ADGRB2: variants seen among roughly 807,000 people sequenced by gnomAD.
ADGRB2 encodes adhesion G protein-coupled receptor B2, also known as brain-specific angiogenesis inhibitor 2.
A neutral mutation model predicts 178.7 loss-of-function variants in ADGRB2; 47 were observed. The ratio of observed to expected loss-of-function variants is 0.26; its 90% CI spans 0.21 to 0.34. ADGRB2 has a LOEUF of 0.34. ADGRB2 is among the 10% of genes least tolerant of loss of function. ADGRB2 has a pLI of 1.00. For synonymous variants in ADGRB2, 870 were observed against 912.4 expected, an observed-to-expected ratio of 0.95 and a Z score of 0.84; for missense variants, 1,584 against 2,180.8, an observed-to-expected ratio of 0.73 and a Z score of 5.45.
In ADGRB2 at chr1:31,735,363, G is replaced by T; in HGVS notation, c.3354-82C>A. On this transcript the variant is annotated intron_variant, in intron 24 of 32. Transcript: ENST00000373658. The surrounding 1 kb of genome is among the most constrained non-coding windows in gnomAD (Gnocchi z 6.0). ...TGGGGCAGAATGAGCCCCGAGTGGG[G>T]TGGGAGGGGAGGGCAGACGAGAGAG... The T allele has an allele frequency of 8.4e-7, 1 of 1,189,880 alleles. No homozygotes were observed. Among genetic ancestry groups the T allele is most frequent in the Non-Finnish European group, 1.2e-6 (1 of 833,514 alleles). The allele number at this position is 1,189,880 out of a possible 1,614,324, so 73.7% of individuals were successfully genotyped here. A position where few individuals can be genotyped will look rare whatever the true frequency, so the allele number is the denominator to read the frequency against.
At chr1:31,732,733 G>C (rs1301879329) in intron 26 of ADGRB2, 121 bp from the exon 27 acceptor site, 1 of 1,252,390 alleles carries the variant, frequency 8.0e-7, no homozygotes, top group East Asian at 2.5e-5. Context: ...ATCCAACCTT[G>C]GGGAAGGTGA....
At position 31,735,793 on chromosome 1, in the gene ADGRB2, C is replaced by T; in HGVS notation, c.3267+34G>A. 1 of 1,603,398 alleles carries T rather than the reference C, an allele frequency of 6.2e-7. No individual in the cohort carries two copies. On this transcript the variant is annotated intron_variant, in intron 23 of 32. Transcript: ENST00000373658. This position sits in a 1 kb window ranked among gnomAD's most constrained non-coding sequence, Gnocchi z 6.0. ...GAGAAACAGGATGACCCTCTGGGGC[C>T]ATGCCCCTTCCAAGATGCTGAACGG... is the stretch of plus-strand genomic sequence containing the variant.
In ADGRB2 at chr1:31,744,435, T is replaced by C; in HGVS notation, c.923-78A>G. ...CTCATAGGGATAGGGGGAGTGGCAG[T>C]AAGGTGGGGGCAGGCATCAGAGGGC... is the stretch of plus-strand genomic sequence containing the variant. On this transcript the variant is annotated intron_variant, in intron 5 of 32. Coordinates refer to ENST00000373658, the MANE Select transcript of ADGRB2 (RefSeq NM_001364857.2). This position sits in a 1 kb window ranked among gnomAD's most constrained non-coding sequence, Gnocchi z 6.7. 6.6e-7 allele frequency: 1 copy of C among 1,520,808 alleles called. No homozygotes were observed. Among genetic ancestry groups the C allele is most frequent in the African/African-American group, 1.4e-5 (1 of 71,808 alleles). The allele number at this position is 1,520,808 out of a possible 1,614,324, so 94.2% of individuals were successfully genotyped here.
Position 31,753,265 on chromosome 1 carries a change from A to G in ADGRB2, c.838+2734T>C, listed in dbSNP as rs1646669477. ...TTTTCTTCCTTTTCCCCCACTTAACAGATTGCGGCAGCAAGATGGCACAAA... is the reference window on the plus strand; with the variant it reads ...TTTTCTTCCTTTTCCCCCACTTAACGGATTGCGGCAGCAAGATGGCACAAA... On this transcript the variant is annotated intron_variant, in intron 4 of 32. Coordinates refer to ENST00000373658, the MANE Select transcript of ADGRB2 (RefSeq NM_001364857.2). The surrounding 1 kb of genome is among the most constrained non-coding windows in gnomAD (Gnocchi z 4.1). Among the ~76,000 whole-genome samples, 1 of 152,122 alleles carries G rather than the reference A, an allele frequency of 6.6e-6. No homozygotes were observed. Among genetic ancestry groups the G allele is most frequent in the Non-Finnish European group, 1.5e-5 (1 of 68,026 alleles).
intron 20 of ADGRB2, 37 bp downstream of exon 20, chr1:31,737,392 A>G (rs1275196403): frequency 3.8e-6 from 6 of 1,571,474 alleles, no homozygotes; most frequent in Non-Finnish European, 5.3e-6. Context: ...CCTCCACCCC[A>G]CTCACACCCC....
chr1:31,756,830 AG>A lies in ADGRB2; in HGVS notation c.22-16del. 2 of 1,455,642 alleles carry A rather than the reference AG, an allele frequency of 1.4e-6. No individual in the cohort carries two copies. The highest frequency in any genetic ancestry group is 1.8e-6 in the Non-Finnish European group (2 of 1,101,360). 90.2% of individuals were successfully genotyped at this position (1,455,642 alleles called of 1,614,324 possible). On this transcript the variant is annotated splice_polypyrimidine_tract_variant and intron_variant, in intron 3 of 32. Coordinates refer to ENST00000373658, the MANE Select transcript of ADGRB2 (RefSeq NM_001364857.2). This position sits in a 1 kb window ranked among gnomAD's most constrained non-coding sequence, Gnocchi z 8.5. Reference sequence around the variant, plus strand: ...TGTCCCTTGCCCTGTGGAGAGAGACAGTGGTCAGCGGGCCCCCAGCACAGCC... The same window carrying A: ...TGTCCCTTGCCCTGTGGAGAGAGACATGGTCAGCGGGCCCCCAGCACAGCC...
intron 28 of ADGRB2, 44 bp from the exon 29 acceptor site, chr1:31,731,463 G>A: frequency 6.5e-7 from 1 of 1,529,018 alleles, no homozygotes; most frequent in African/African-American, 1.4e-5. Flanking sequence ...CTGAGGAGAA[G>A]GAACCTCCAG....
At position 31,727,690 on chromosome 1, in the gene ADGRB2, G is replaced by C. The variant is rs954341989; in HGVS notation, c.4573-85C>G. ...CGATCAAACTGAGGAGTCCCAGAGA[G>C]GGCTGGTAATGCCCAAAGTTATGGA... is the stretch of plus-strand genomic sequence containing the variant. On this transcript the variant is annotated intron_variant, in intron 32 of 32. Coordinates refer to ENST00000373658, the MANE Select transcript of ADGRB2 (RefSeq NM_001364857.2). The surrounding 1 kb of genome is among the most constrained non-coding windows in gnomAD (Gnocchi z 4.4). 1.5e-6 allele frequency: 2 copies of C among 1,359,314 alleles called. No homozygotes were observed. Among genetic ancestry groups the C allele is most frequent in the African/African-American group, 2.9e-5 (2 of 67,900 alleles). 84.2% of individuals were successfully genotyped at this position (1,359,314 alleles called of 1,614,324 possible).
chr1:31,746,320 G>A (rs962894018), intron 4 of ADGRB2, among the ~76,000 whole-genome samples: 13 of 152,008 alleles, frequency 8.6e-5, no homozygotes, highest in Admixed American at 3.9e-4. Flanking sequence ...CCCCTCATGT[G>A]CCACCCGAGC....
At position 31,757,412 on chromosome 1, in the gene ADGRB2, G is replaced by A. The variant is rs1034400342; in HGVS notation, c.-91C>T. On this transcript the variant is annotated 5_prime_UTR_variant, in exon 2 of 33. Transcript: ENST00000373658. Reference sequence around the variant, plus strand: ...TTACTGAGAGGGAGAGAAAGGGGCGGAGTTACAGCCAGTGTGCCAGGAACT... The same window carrying A: ...TTACTGAGAGGGAGAGAAAGGGGCGAAGTTACAGCCAGTGTGCCAGGAACT... The A allele has an allele frequency of 1.1e-5, 8 of 750,814 alleles. No homozygotes were observed. The highest frequency in any genetic ancestry group is 1.6e-5 in the Non-Finnish European group (7 of 448,768). The allele number at this position is 750,814 out of a possible 1,614,324, so 46.5% of individuals were successfully genotyped here. A position where few individuals can be genotyped will look rare whatever the true frequency, so the allele number is the denominator to read the frequency against.
At chr1:31,730,744 G>A in intron 29 of ADGRB2, 56 bp downstream of exon 29, 1 of 1,409,060 alleles carries the variant, frequency 7.1e-7, no homozygotes, top group South Asian at 2.0e-5. Context: ...CCTCCTGGCT[G>A]CAGCCTGTGA....
rs908180132 is a variant in ADGRB2 at position 31,761,228 on chromosome 1, T to G, written c.-191+2656A>C. Among the ~76,000 whole-genome samples the G allele has an allele frequency of 1.3e-5, 2 of 152,200 alleles. No individual in the cohort carries two copies. The highest frequency in any genetic ancestry group is 6.5e-5 in the Admixed American group (1 of 15,282). On this transcript the variant is annotated intron_variant, in intron 1 of 32. Transcript: ENST00000373658. This position sits in a 1 kb window ranked among gnomAD's most constrained non-coding sequence, Gnocchi z 4.2. ...GGTCCGGCCACACTACCCAGAGGACTTCCAGCCATCACAGGTTCGAGTCCC... is the reference window on the plus strand; with the variant it reads ...GGTCCGGCCACACTACCCAGAGGACGTCCAGCCATCACAGGTTCGAGTCCC...
chr1:31,763,826 G>A (rs888920726), intron 1 of ADGRB2, 58 bp downstream of exon 1: 3 of 985,012 alleles, frequency 3.0e-6, no homozygotes, highest in South Asian at 9.4e-5. Context: ...GGAAACTCGG[G>A]ACCGCGCCGG....
intron 29 of ADGRB2, among the ~76,000 whole-genome samples, chr1:31,730,174 G>A (rs1440521192): frequency 6.6e-6 from 1 of 152,216 alleles, no homozygotes; most frequent in Admixed American, 6.5e-5. Context: ...CAGCGTGAAG[G>A]TGAAGGATTC....
intron 16 of ADGRB2, 48 bp from the exon 17 acceptor site, chr1:31,738,678 C>T (rs1645763998): frequency 5.6e-6 from 9 of 1,608,292 alleles, no homozygotes; most frequent in Non-Finnish European, 6.8e-6. Flanking sequence ...AAGCTCACCA[C>T]ACCCCACCAC....
At position 31,764,177 on chromosome 1, in the gene ADGRB2, G is replaced by T; in HGVS notation, c.-484C>A. The stretch of plus-strand genomic sequence containing the variant: ...CCCCCGCTCCCCCGCCCCGAGCACC[G>T]CCCGCGCCGCGCGCCGCCTCCTATT... On this transcript the variant is annotated 5_prime_UTR_variant, in exon 1 of 33. Transcript: ENST00000373658. This position sits in a 1 kb window ranked among gnomAD's most constrained non-coding sequence, Gnocchi z 7.3. 1 of 462,836 alleles carries T rather than the reference G, an allele frequency of 2.2e-6. No homozygotes were observed. The highest frequency in any genetic ancestry group is 9.2e-5 in the South Asian group (1 of 10,924). The allele number at this position is 462,836 out of a possible 1,614,324, so 28.7% of individuals were successfully genotyped here.
chr1:31,741,427 C>T lies in ADGRB2; in HGVS notation c.1740G>A (p.Gly580=), dbSNP rs777385201. 8.1e-6 allele frequency: 13 copies of T among 1,606,250 alleles called. No individual in the cohort carries two copies. The highest frequency in any genetic ancestry group is 1.6e-4 in the Middle Eastern group (1 of 6,070). Residue 580 remains glycine, a synonymous_variant, in exon 11 of 33, where the codon GGG becomes GGA. Transcript: ENST00000373658. This position sits in a 1 kb window ranked among gnomAD's most constrained non-coding sequence, Gnocchi z 6.5. ...AGATGCAGCGAGCAAAGCTGGGCAG[C>T]CCCCAGTACGCCACGCCTTGGGCAC... is the stretch of plus-strand genomic sequence containing the variant. ...LLSAQGVAYW[G]LPSFARCISH...
Position 31,757,888 on chromosome 1 carries a change from C to T in ADGRB2, c.-190-377G>A, listed in dbSNP as rs151108324. Among the ~76,000 whole-genome samples, 374 of 152,292 alleles carry T rather than the reference C, an allele frequency of 2.5e-3. 1 individual carries two copies. The highest frequency in any genetic ancestry group is 8.3e-3 in the African/African-American group (343 of 41,546). ...GTGCTGCCCTAAGCTGAGCTCCCAA[C>T]AGGTGTGAATGTACTCCAGGTGTGG... is the stretch of plus-strand genomic sequence containing the variant. On this transcript the variant is annotated intron_variant, in intron 1 of 32. Transcript: ENST00000373658.
At position 31,759,134 on chromosome 1, in the gene ADGRB2, G is replaced by T. The variant is rs1214766657; in HGVS notation, c.-190-1623C>A. Among the ~76,000 whole-genome samples, 1 of 152,120 alleles carries T rather than the reference G, an allele frequency of 6.6e-6. No homozygotes were observed. The highest frequency in any genetic ancestry group is 2.4e-5 in the African/African-American group (1 of 41,390). On this transcript the variant is annotated intron_variant, in intron 1 of 32. Transcript: ENST00000373658. This position sits in a 1 kb window ranked among gnomAD's most constrained non-coding sequence, Gnocchi z 4.3. ...GAGGACACACACACCAAAGCATGAG[G>T]GCACAGATGTTCACAGGAGTTCTGC...
Sources: allele counts gnomAD v4.1 joint callset (sites outside exome capture counted in the v4.1 genomes callset), GRCh38; gene constraint gnomAD v4.1.1; non-coding constraint Gnocchi (gnomAD v3.1); transcripts MANE v1.5; gene names NCBI Gene and HGNC (gene_info 2026-07-23, HGNC 2026-07-21).